The following DLG2 variants were observed in gnomAD, a reference collection of about 807,000 sequenced individuals.
DLG2 encodes discs large MAGUK scaffold protein 2.
DLG2 carries 45 observed loss-of-function variants against 132.5 expected under a neutral mutation model. That is an observed-to-expected ratio of 0.34 (90% confidence interval 0.27 to 0.44). The LOEUF (loss-of-function observed/expected upper bound fraction) is 0.44, where lower values mean the gene tolerates loss of function less well. Ranked by LOEUF, DLG2 falls within the 20% of genes least tolerant of loss-of-function variation. DLG2 has a pLI of 1.00. For missense variants in DLG2, 1,045 were observed against 1,196.9 expected, an observed-to-expected ratio of 0.87 and a Z score of 1.87; for synonymous variants, 424 against 419.6, an observed-to-expected ratio of 1.01 and a Z score of -0.13.
chr11:85,374,047 G>A (rs1332209639), intron 3 of DLG2, among the ~76,000 whole-genome samples: 1 of 152,068 alleles, frequency 6.6e-6, no homozygotes, highest in Non-Finnish European at 1.5e-5. Context: ...CTTTCTATGT[G>A]CAAATTCTTC....
chr11:84,058,539 T>TAAC (rs1555305570), intron 11 of DLG2, among the ~76,000 whole-genome samples: 1 of 143,298 alleles, frequency 7.0e-6, no homozygotes, highest in Non-Finnish European at 1.5e-5. Flanking sequence ...ATAATAATAA[T>TAAC]AACCACATGC....
At chr11:85,289,956 A>G (rs1007166152) in intron 3 of DLG2, among the ~76,000 whole-genome samples, 6 of 152,158 alleles carry the variant, frequency 3.9e-5, no homozygotes, top group Non-Finnish European at 7.4e-5. Context: ...CAACATTTCA[A>G]TTCACTAAGT....
chr11:84,382,651 T>C (rs1230293682), intron 7 of DLG2, among the ~76,000 whole-genome samples: 1 of 152,158 alleles, frequency 6.6e-6, no homozygotes, highest in Non-Finnish European at 1.5e-5. Context: ...TAAATACCAA[T>C]TTGGCTTTCT....
intron 6 of DLG2, among the ~76,000 whole-genome samples, chr11:85,083,983 G>C (rs2067574885): frequency 6.6e-6 from 1 of 152,034 alleles, no homozygotes; most frequent in African/African-American, 2.4e-5. Flanking sequence ...GGTTGGGAGG[G>C]GGCTTGGAGT....
intron 8 of DLG2, among the ~76,000 whole-genome samples, chr11:84,199,938 G>A (rs1038611142): frequency 1.1e-4 from 17 of 152,016 alleles, no homozygotes; most frequent in Admixed American, 1.1e-3. Context: ...GTTCTAAGAA[G>A]TCCAATGAAT....
chr11:85,035,653 G>A (rs913123880), intron 6 of DLG2, among the ~76,000 whole-genome samples: 5 of 152,084 alleles, frequency 3.3e-5, no homozygotes, highest in South Asian at 2.1e-4. Context: ...GAGCCAAATC[G>A]TATCAGATAC....
At chr11:84,384,308 TAATA>T (rs2098760093) in intron 7 of DLG2, among the ~76,000 whole-genome samples, 1 of 152,134 alleles carries the variant, frequency 6.6e-6, no homozygotes, top group South Asian at 2.1e-4. Flanking sequence ...GGTGCTGAAC[TAATA>T]AATATGGAAA....
Position 84,094,584 on chromosome 11 carries a change from G to C in DLG2, c.749+4339C>G, listed in dbSNP as rs137930398. ...GGCACTGGCAGATTTGATGTCTAGT[G>C]ATGGCCCTCTTCCTGGTTCATAGAT... On this transcript the variant is annotated intron_variant, in intron 10 of 27. Transcript: ENST00000376104. Among the ~76,000 whole-genome samples, 47 of 152,284 alleles carry C rather than the reference G, an allele frequency of 3.1e-4. 2 individuals are homozygous for C. In the East Asian group the frequency reaches 9.1e-3, roughly 29 times the overall value.
At chr11:84,317,481 C>T (rs962178848) in intron 7 of DLG2, 1 of 602,508 alleles carries the variant, frequency 1.7e-6, no homozygotes, top group Non-Finnish European at 2.2e-6. Context: ...TTGGATGGAG[C>T]CCTACAGTAA....
At chr11:83,889,244 T>A (rs1242923938) in intron 15 of DLG2, among the ~76,000 whole-genome samples, 2 of 151,642 alleles carry the variant, frequency 1.3e-5, no homozygotes, top group African/African-American at 4.9e-5. Flanking sequence ...TACAATGAAC[T>A]CAAACAAATT....
intron 6 of DLG2, among the ~76,000 whole-genome samples, chr11:84,836,440 T>A (rs1397853499): frequency 6.6e-6 from 1 of 151,732 alleles, no homozygotes; most frequent in East Asian, 1.9e-4. Context: ...TTCAGAAAAA[T>A]TGATAAAGTC....
At chr11:85,596,851 G>C (rs1049475569) in intron 3 of DLG2, among the ~76,000 whole-genome samples, 1 of 152,130 alleles carries the variant, frequency 6.6e-6, no homozygotes, top group Non-Finnish European at 1.5e-5. Context: ...AATAATAATA[G>C]ATTACTAATC....
At chr11:83,693,518 C>G (rs2081354031) in intron 18 of DLG2, among the ~76,000 whole-genome samples, 1 of 151,824 alleles carries the variant, frequency 6.6e-6, no homozygotes, top group Non-Finnish European at 1.5e-5. Context: ...TCTCTCCTAC[C>G]CTTCTTTGTG....
intron 11 of DLG2, among the ~76,000 whole-genome samples, chr11:83,985,789 G>C (rs773052131): frequency 4.6e-5 from 7 of 151,986 alleles, no homozygotes; most frequent in Non-Finnish European, 8.8e-5. Context: ...CCATGTCTTT[G>C]CTATTGGGAA....
intron 7 of DLG2, among the ~76,000 whole-genome samples, chr11:84,267,781 T>C (rs940943749): frequency 2.6e-5 from 4 of 152,230 alleles, no homozygotes; most frequent in South Asian, 2.1e-4. Context: ...TTTACATTTC[T>C]GCACAAACGT....
chr11:85,488,793 C>T (rs1335520102), intron 3 of DLG2, among the ~76,000 whole-genome samples: 1 of 152,002 alleles, frequency 6.6e-6, no homozygotes, highest in Non-Finnish European at 1.5e-5. Context: ...AAAGTCTTTC[C>T]CAGACAAGGA....
At chr11:83,503,420 T>TATATATAG (rs1555118627) in intron 21 of DLG2, among the ~76,000 whole-genome samples, 22 of 78,258 alleles carry the variant, frequency 2.8e-4, no homozygotes, top group East Asian at 8.9e-4. Context: ...TATATATATA[T>TATATATAG]ATAGATAGAT....
At chr11:84,181,123 T>C (rs1010203437) in intron 8 of DLG2, among the ~76,000 whole-genome samples, 6 of 151,970 alleles carry the variant, frequency 3.9e-5, no homozygotes, top group African/African-American at 1.4e-4. Context: ...CACATATGTA[T>C]GATCACTTAT....
chr11:85,496,842 G>C (rs910581586), intron 3 of DLG2, among the ~76,000 whole-genome samples: 3 of 152,120 alleles, frequency 2.0e-5, no homozygotes, highest in African/African-American at 7.2e-5. Context: ...AGGCCTGTCT[G>C]TTAGAAGGAA....
Sources: allele counts gnomAD v4.1 joint callset (sites outside exome capture counted in the v4.1 genomes callset), GRCh38; gene constraint gnomAD v4.1.1; transcripts MANE v1.5; gene names NCBI Gene and HGNC (gene_info 2026-07-23, HGNC 2026-07-21).